The following JAM2 variants were observed in gnomAD, a reference collection of about 807,000 sequenced individuals.
JAM2 encodes the protein junctional adhesion molecule 2, also known as junctional adhesion molecule B.
Under a neutral mutation model 42.0 loss-of-function variants are expected in JAM2, and 17 were observed. The observed-to-expected ratio is 0.40, with a 90% CI of 0.28 to 0.61. JAM2 has a LOEUF of 0.61. Among genes scored for constraint, JAM2 ranks in the 20% least tolerant of loss-of-function variants. The pLI is 0.37. For missense variants in JAM2, 319 were observed against 358.3 expected (o/e 0.89, Z 0.89); for synonymous variants, 118 against 128.6 (o/e 0.92, Z 0.56).
rs2123388035 is a variant in JAM2 at position 25,693,924 on chromosome 21, G to A, written c.394+16G>A. 6.2e-7 allele frequency: 1 copy of A among 1,612,006 alleles called. No homozygotes were observed. The highest frequency in any genetic ancestry group is 8.5e-7 in the Non-Finnish European group (1 of 1,178,592). On this transcript the variant is annotated intron_variant, in intron 4 of 9. Transcript: ENST00000480456. ...GAAGTATTAGGTGATGTGCATGTAT[G>A]TGTGTGACTACGTCTCCCACTCCTT...
At chr21:25,711,148 A>G (rs533973167) in intron 8 of JAM2, among the ~76,000 whole-genome samples, 1 of 152,324 alleles carries the variant, frequency 6.6e-6, no homozygotes, top group Non-Finnish European at 1.5e-5. Context: ...GGTGATGGGA[A>G]TAAGTGGAGA....
chr21:25,652,816 G>T (rs964382534), intron 1 of JAM2, among the ~76,000 whole-genome samples: 1 of 152,102 alleles, frequency 6.6e-6, no homozygotes, highest in African/African-American at 2.4e-5. Flanking sequence ...TACTAAAAAG[G>T]CCCAGAAGAC....
intron 1 of JAM2, among the ~76,000 whole-genome samples, chr21:25,659,987 G>A (rs113605894): frequency 3.9e-5 from 6 of 152,098 alleles, no homozygotes; most frequent in South Asian, 2.1e-4. Flanking sequence ...TGCGGATCTC[G>A]GCTCACTGCA....
intron 1 of JAM2, among the ~76,000 whole-genome samples, chr21:25,667,652 C>T (rs927067037): frequency 1.4e-4 from 22 of 152,244 alleles, no homozygotes; most frequent in African/African-American, 5.3e-4. Context: ...GGTCTTGGAA[C>T]GTATCTCTCA....
Position 25,655,168 on chromosome 21 carries a change from C to A in JAM2, c.67+15280C>A, listed in dbSNP as rs529617559. Among the ~76,000 whole-genome samples the A allele has an allele frequency of 3.4e-3, 516 of 152,088 alleles. 3 individuals are homozygous for A. The highest frequency in any genetic ancestry group is 0.012 in the African/African-American group (483 of 41,494). On this transcript the variant is annotated intron_variant, in intron 1 of 9. Transcript: ENST00000480456. ...ATATATGATTTGCTTTAATATTCTT[C>A]AATAAAGTAAATGTAGTAAACATGA...
intron 1 of JAM2, among the ~76,000 whole-genome samples, chr21:25,651,656 A>G (rs971730617): frequency 1.3e-5 from 2 of 152,252 alleles, no homozygotes; most frequent in Admixed American, 1.3e-4. Flanking sequence ...AAAACAGGAC[A>G]TGCTTTATGC....
chr21:25,641,429 T>TG (rs1411564078), intron 1 of JAM2, among the ~76,000 whole-genome samples: 1 of 152,172 alleles, frequency 6.6e-6, no homozygotes, highest in African/African-American at 2.4e-5. Flanking sequence ...CATAAATGAA[T>TG]GGGGCTGAGT....
chr21:25,701,691 A>T (rs1232426997), intron 5 of JAM2, among the ~76,000 whole-genome samples: 3 of 152,176 alleles, frequency 2.0e-5, no homozygotes, highest in African/African-American at 7.2e-5. Context: ...CCTAGGCCCT[A>T]AGCTACTTCC....
At chr21:25,662,820 CAG>C (rs1014523976) in intron 1 of JAM2, among the ~76,000 whole-genome samples, 25 of 152,106 alleles carry the variant, frequency 1.6e-4, no homozygotes, top group African/African-American at 6.0e-4. Context: ...TTGTTTATAA[CAG>C]ACATTTAATT....
chr21:25,684,895 C>A (rs2033715914), intron 2 of JAM2, among the ~76,000 whole-genome samples: 1 of 152,134 alleles, frequency 6.6e-6, no homozygotes, highest in Admixed American at 6.6e-5. Context: ...ACCACACCTG[C>A]CCTATAAGTT....
intron 1 of JAM2, among the ~76,000 whole-genome samples, chr21:25,677,474 A>G (rs900772536): frequency 6.6e-6 from 1 of 152,226 alleles, no homozygotes; most frequent in African/African-American, 2.4e-5. Flanking sequence ...ATGTTTCTTA[A>G]AGGAAATTTT....
intron 1 of JAM2, among the ~76,000 whole-genome samples, chr21:25,666,315 T>TTATTATTATTATTATTA (rs2033219494): frequency 4.8e-4 from 71 of 146,562 alleles, no homozygotes; most frequent in African/African-American, 1.5e-3. Context: ...TGTTACGGCT[T>TTATTATTATTATTATTA]TTATTATTAT....
chr21:25,671,234 T>C (rs949034697), intron 1 of JAM2, among the ~76,000 whole-genome samples: 8 of 152,174 alleles, frequency 5.3e-5, no homozygotes, highest in African/African-American at 1.9e-4. Context: ...CTTAGTAAAC[T>C]CATTAATAAG....
rs759357757 is a variant in JAM2 at position 25,693,902 on chromosome 21, GTA to G, written c.390_391del (p.Leu131SerfsTer9). 6.2e-7 allele frequency: 1 copy of G among 1,614,122 alleles called. No individual in the cohort carries two copies. Among genetic ancestry groups the G allele is most frequent in the African/African-American group, 1.3e-5 (1 of 75,062 alleles). ...GGAAGAGGATACAGTCACTCTGGAA[GTA>G]TTAGGTGATGTGCATGTATGTGTGT... ...NLEEDTVTLEVLVAPAVPSCE... is the reference protein window; with the variant it reads ...NLEEDTVTLEXLVAPAVPSCE... On this transcript the variant is annotated frameshift_variant, in exon 4 of 10. Transcript: ENST00000480456. LOFTEE classifies it high-confidence loss of function.
intron 8 of JAM2, among the ~76,000 whole-genome samples, chr21:25,711,794 T>C (rs1289350805): frequency 2.0e-5 from 3 of 152,144 alleles, no homozygotes; most frequent in African/African-American, 4.8e-5. Flanking sequence ...AAGGGTGACA[T>C]AGCTGCAGTG....
intron 3 of JAM2, 133 bp downstream of exon 3, chr21:25,690,106 C>T: frequency 1.6e-6 from 1 of 631,526 alleles, no homozygotes; most frequent in Admixed American, 2.6e-5. Flanking sequence ...ATGAAAGCAA[C>T]CATGTCTGAG....
intron 2 of JAM2, among the ~76,000 whole-genome samples, chr21:25,685,651 T>C (rs2033736484): frequency 1.3e-5 from 2 of 151,856 alleles, no homozygotes; most frequent in Non-Finnish European, 2.9e-5. Context: ...GCTTAAGCTA[T>C]AGAACACTCT....
chr21:25,709,109 TAGTA>T (rs2034332010), intron 7 of JAM2, among the ~76,000 whole-genome samples: 1 of 152,070 alleles, frequency 6.6e-6, no homozygotes, highest in African/African-American at 2.4e-5. Flanking sequence ...TTTCTCTAAC[TAGTA>T]GGCCTGTTTT....
At chr21:25,688,366 G>GAC (rs2033801968) in intron 2 of JAM2, among the ~76,000 whole-genome samples, 1 of 152,124 alleles carries the variant, frequency 6.6e-6, no homozygotes, top group African/African-American at 2.4e-5. Flanking sequence ...TTACTCTTAA[G>GAC]ACACAGAAGA....
Sources: allele counts gnomAD v4.1 joint callset (sites outside exome capture counted in the v4.1 genomes callset), GRCh38; gene constraint gnomAD v4.1.1; transcripts MANE v1.5; gene names NCBI Gene and HGNC (gene_info 2026-07-23, HGNC 2026-07-21).